The following CDHR3 variants were observed in gnomAD, a reference collection of about 807,000 sequenced individuals.
CDHR3 encodes cadherin related family member 3.
In CDHR3, 79 loss-of-function variants were observed where a neutral mutation model predicts 86.6. That is an observed-to-expected ratio of 0.91 (90% CI 0.76 to 1.10). CDHR3 has a LOEUF of 1.10. CDHR3 is among the 50% of genes least tolerant of loss of function. CDHR3 has a pLI of 0.00. For synonymous variants in CDHR3, 421 were observed against 402.4 expected, an observed-to-expected ratio of 1.05 and a Z score of -0.55; for missense variants, 1,081 against 1,077.6, an observed-to-expected ratio of 1.00 and a Z score of -0.04.
At chr7:105,995,710 T>C (rs1303133352) in intron 5 of CDHR3, among the ~76,000 whole-genome samples, 1 of 152,066 alleles carries the variant, frequency 6.6e-6, no homozygotes, top group African/African-American at 2.4e-5. Flanking sequence ...GAAGATGGCA[T>C]TTTTTTTCTA....
chr7:106,026,691 AG>A lies in CDHR3; in HGVS notation c.2270del (p.Gly757GlufsTer17), dbSNP rs1256977155. 6.2e-7 allele frequency: 1 copy of A among 1,613,808 alleles called. No individual in the cohort carries two copies. The highest frequency in any genetic ancestry group is 8.5e-7 in the Non-Finnish European group (1 of 1,179,796). On this transcript the variant is annotated frameshift_variant, in exon 16 of 19. Transcript: ENST00000317716. LOFTEE classifies it high-confidence loss of function. ...GKNKEPLTKK[G>X]ETKTAERDVV... ...CTTTTTCCCCCCATAGGACAAAGAA[AG>A]GAGGTATGTACAGTACCTGTTTCCC...
rs1838911902 is a variant in CDHR3, at chr7:106,036,195, T to A, written c.*3498T>A. On this transcript the variant is annotated 3_prime_UTR_variant, in exon 19 of 19. Coordinates refer to ENST00000317716, the MANE Select transcript of CDHR3 (RefSeq NM_152750.5). ...ACTCAGCCTGTGTAGCAAGCACGGG[T>A]GGCTCACAAGCAGAACTGGGAAATG... 1 of 152,136 alleles carries A rather than the reference T, an allele frequency of 6.6e-6. No individual in the cohort carries two copies. Among genetic ancestry groups the A allele is most frequent in the Admixed American group, 6.5e-5 (1 of 15,284 alleles). 9.4% of individuals were successfully genotyped at this position (152,136 alleles called of 1,614,324 possible).
rs1302033351 is a variant in CDHR3, at chr7:105,969,118, C to T, written c.47-5726C>T. 2.5e-5 allele frequency among the ~76,000 whole-genome samples: 3 copies of T among 119,580 alleles called. No individual in the cohort carries two copies. In the East Asian group the frequency reaches 6.8e-4, roughly 27 times the overall value. 78.4% of individuals were successfully genotyped at this position (119,580 alleles called of 152,430 possible). ...AAAAATAAAAATAAAAAAAGTGGGC[C>T]GGGCGTGGTGGCTCACGCCTGTAAT... On this transcript the variant is annotated intron_variant, in intron 1 of 18. Coordinates refer to ENST00000317716, the MANE Select transcript of CDHR3 (RefSeq NM_152750.5).
At position 106,035,863 on chromosome 7, in the gene CDHR3, TACAG is replaced by T. The variant is rs1392447150; in HGVS notation, c.*3171_*3174del. 4 of 152,148 alleles carry T rather than the reference TACAG, an allele frequency of 2.6e-5. No homozygotes were observed. The highest frequency in any genetic ancestry group is 4.8e-5 in the African/African-American group (2 of 41,436). 9.4% of individuals were successfully genotyped at this position (152,148 alleles called of 1,614,324 possible). ...TCGGCTGGCAATCAGTCTGATTGGT[TACAG>T]ACAGCCAATTTCCCAGCGTTGACCA... On this transcript the variant is annotated 3_prime_UTR_variant, in exon 19 of 19. Transcript: ENST00000317716.
intron 11 of CDHR3, among the ~76,000 whole-genome samples, chr7:106,017,151 A>G (rs1835756534): frequency 6.6e-6 from 1 of 152,204 alleles, no homozygotes; most frequent in East Asian, 1.9e-4. Flanking sequence ...GAAAATTGAA[A>G]AACACGGGAC....
At chr7:106,006,452 A>T (rs1051501435) in intron 8 of CDHR3, among the ~76,000 whole-genome samples, 1 of 152,240 alleles carries the variant, frequency 6.6e-6, no homozygotes, top group Non-Finnish European at 1.5e-5. Context: ...CTGTAAAATC[A>T]AAAGCAAGTT....
In CDHR3 at chr7:105,963,368, G is replaced by A. The variant is rs199969834; in HGVS notation, c.46+4G>A. On this transcript the variant is annotated splice_donor_region_variant and intron_variant, in intron 1 of 18. Transcript: ENST00000317716. ...GCTCTCCTGGGTGCCATGTCAGGTA[G>A]GAACTCAATTTTGCTTTGGAACCTT... 1.1e-5 allele frequency: 18 copies of A among 1,613,918 alleles called. No individual in the cohort carries two copies. In the East Asian group the frequency reaches 3.8e-4, roughly 34 times the overall value.
At chr7:105,971,008 G>A (rs1585489426) in intron 1 of CDHR3, among the ~76,000 whole-genome samples, 1 of 152,218 alleles carries the variant, frequency 6.6e-6, no homozygotes, top group Non-Finnish European at 1.5e-5. Context: ...AGGCATGGTG[G>A]CAGGTGCCTG....
intron 3 of CDHR3, among the ~76,000 whole-genome samples, chr7:105,982,312 A>C (rs1437671738): frequency 4.6e-5 from 7 of 151,910 alleles, no homozygotes; most frequent in Non-Finnish European, 8.8e-5. Flanking sequence ...ACTAAAAAAT[A>C]CAAAAAATTA....
intron 3 of CDHR3, 39 bp from the exon 4 acceptor site, chr7:105,984,153 A>T (rs1363306945): frequency 2.2e-6 from 3 of 1,349,156 alleles, no homozygotes; most frequent in South Asian, 3.0e-5. Flanking sequence ...TTTTTGCTTT[A>T]ATAAGATGTT....
intron 3 of CDHR3, among the ~76,000 whole-genome samples, chr7:105,981,960 C>A (rs962694309): frequency 2.6e-5 from 4 of 152,104 alleles, no homozygotes; most frequent in South Asian, 2.1e-4. Flanking sequence ...CTGGCCCCAC[C>A]CTAGTGTCTG....
At chr7:106,029,382 C>T (rs55647300) in intron 17 of CDHR3, among the ~76,000 whole-genome samples, 6,166 of 152,262 alleles carry the variant, frequency 0.04, 169 homozygotes, top group South Asian at 0.13. Flanking sequence ...CTTATCACCT[C>T]GGGGACTTCC....
chr7:106,032,366 G>GTGA (rs1327298315), intron 18 of CDHR3, 27 bp from the exon 19 acceptor site: 1 of 1,586,076 alleles, frequency 6.3e-7, no homozygotes, highest in East Asian at 2.3e-5. Flanking sequence ...TCTGGCTTAT[G>GTGA]TGATTGTTGT....
At chr7:105,964,476 C>T (rs1826554803) in intron 1 of CDHR3, among the ~76,000 whole-genome samples, 1 of 152,070 alleles carries the variant, frequency 6.6e-6, no homozygotes, top group East Asian at 1.9e-4. Flanking sequence ...AACTGCCAGG[C>T]CTGGACATTC....
At chr7:105,994,422 A>T (rs888943787) in intron 4 of CDHR3, among the ~76,000 whole-genome samples, 1 of 152,198 alleles carries the variant, frequency 6.6e-6, no homozygotes, top group Non-Finnish European at 1.5e-5. Flanking sequence ...GAAGTTGTCC[A>T]GGAGTGAGAA....
In CDHR3 at chr7:106,032,909, C is replaced by T; in HGVS notation, c.*212C>T. ...TTCTGAAATGATACAGGAACATTTT[C>T]TATCAGATTTCAGAACTACCTGTGC... On this transcript the variant is annotated 3_prime_UTR_variant, in exon 19 of 19. Coordinates refer to ENST00000317716, the MANE Select transcript of CDHR3 (RefSeq NM_152750.5). 1 of 546,760 alleles carries T rather than the reference C, an allele frequency of 1.8e-6. No individual in the cohort carries two copies. The highest frequency in any genetic ancestry group is 3.2e-6 in the Non-Finnish European group (1 of 311,024). The allele number at this position is 546,760 out of a possible 1,614,324, so 33.9% of individuals were successfully genotyped here. A position where few individuals can be genotyped will look rare whatever the true frequency, so the allele number is the denominator to read the frequency against.
At chr7:106,025,082 C>A (rs1258804554) in intron 15 of CDHR3, among the ~76,000 whole-genome samples, 1 of 152,092 alleles carries the variant, frequency 6.6e-6, no homozygotes, top group Non-Finnish European at 1.5e-5. Flanking sequence ...TAAACGCAGG[C>A]CTGTTTTCTC....
At chr7:106,011,308 C>T (rs749154818) in intron 8 of CDHR3, among the ~76,000 whole-genome samples, 1 of 152,202 alleles carries the variant, frequency 6.6e-6, no homozygotes, top group Non-Finnish European at 1.5e-5. Context: ...GCTTTGACCA[C>T]TGGAGCATTC....
intron 12 of CDHR3, among the ~76,000 whole-genome samples, chr7:106,018,683 T>G (rs1836043176): frequency 6.6e-6 from 1 of 152,186 alleles, no homozygotes. Context: ...TTGCCTTCAC[T>G]GAAGGCTGTT....
Sources: allele counts gnomAD v4.1 joint callset (sites outside exome capture counted in the v4.1 genomes callset), GRCh38; gene constraint gnomAD v4.1.1; transcripts MANE v1.5; gene names NCBI Gene and HGNC (gene_info 2026-07-23, HGNC 2026-07-21).